The following FAM193A variants were observed in gnomAD, a reference collection of about 807,000 sequenced individuals.
FAM193A encodes protein FAM193A.
A neutral mutation model predicts 126.5 loss-of-function variants in FAM193A; 22 were observed. The ratio of observed to expected loss-of-function variants is 0.17; its 90% CI spans 0.12 to 0.25. FAM193A has a LOEUF of 0.25. Among genes scored for constraint, FAM193A ranks in the 10% least tolerant of loss-of-function variants. The probability of loss-of-function intolerance (pLI) is 1.00; values close to 1 mark genes in which losing one functional copy is unlikely to be tolerated. For missense variants in FAM193A, 1,675 were observed against 1,672.8 expected (o/e 1.00, Z -0.02); for synonymous variants, 761 against 646.8 (o/e 1.18, Z -2.68).
chr4:2,712,348 G>T lies in FAM193A; in HGVS notation c.4373-3675G>T, dbSNP rs539097824. Among the ~76,000 whole-genome samples the T allele has an allele frequency of 2.0e-5, 3 of 152,212 alleles. No individual in the cohort carries two copies. In the East Asian group the frequency reaches 5.8e-4, roughly 29 times the overall value. On this transcript the variant is annotated intron_variant, in intron 19 of 20. Coordinates refer to ENST00000637812, the MANE Select transcript of FAM193A (RefSeq NM_001366318.2). Reference sequence around the variant, plus strand: ...TGGCTTATTATTAATATGTTTCTGTGTTTTCTTGCATCTCCTGTTTCCGTG... The same window carrying T: ...TGGCTTATTATTAATATGTTTCTGTTTTTTCTTGCATCTCCTGTTTCCGTG...
intron 1 of FAM193A, among the ~76,000 whole-genome samples, chr4:2,585,281 TCA>T (rs951017070): frequency 6.6e-5 from 10 of 152,234 alleles, no homozygotes; most frequent in Admixed American, 6.5e-5. Flanking sequence ...ACATGTATTT[TCA>T]CAGTCTTCAT....
chr4:2,631,072 G>A lies in FAM193A; in HGVS notation c.941G>A (p.Gly314Asp), dbSNP rs774164919. Residue 314 changes from glycine to aspartate, a missense_variant, in exon 5 of 21, where the codon GGC becomes GAC. Around this residue, in one of 4 missense-constraint regions of FAM193A, gnomAD observed 1,186 missense variants for 1,109.2 expected, o/e 1.07. Coordinates refer to ENST00000637812, the MANE Select transcript of FAM193A (RefSeq NM_001366318.2). The stretch of plus-strand genomic sequence containing the variant: ...GTGAAGGCACCATCTGGCCTGCAGG[G>A]CCCGCCGCAAGCGCACCAGTTCATC... ...AKVKAPSGLQ[G>D]PPQAHQFISL... The A allele has an allele frequency of 1.2e-5, 20 of 1,613,384 alleles. No homozygotes were observed. In the Middle Eastern group the frequency reaches 2.8e-3, roughly 227 times the overall value.
intron 1 of FAM193A, among the ~76,000 whole-genome samples, chr4:2,569,684 T>A (rs1262956938): frequency 6.6e-6 from 1 of 151,922 alleles, no homozygotes; most frequent in Non-Finnish European, 1.5e-5. Flanking sequence ...CTTTAAAAAA[T>A]TTTTAAAAGC....
At chr4:2,594,617 C>G (rs965508452) in intron 1 of FAM193A, among the ~76,000 whole-genome samples, 2 of 152,084 alleles carry the variant, frequency 1.3e-5, no homozygotes, top group Admixed American at 1.3e-4. Flanking sequence ...GGGAGTGCCT[C>G]CCTCCAGCCT....
chr4:2,660,699 G>A (rs1046900044), intron 10 of FAM193A, among the ~76,000 whole-genome samples: 1 of 152,370 alleles, frequency 6.6e-6, no homozygotes, highest in Non-Finnish European at 1.5e-5. Context: ...GAAGTGTGCA[G>A]TGGGAGAGAT....
chr4:2,644,650 C>T (rs1577125893), intron 6 of FAM193A, among the ~76,000 whole-genome samples: 1 of 151,952 alleles, frequency 6.6e-6, no homozygotes, highest in African/African-American at 2.4e-5. Flanking sequence ...CCAGTTACAC[C>T]TAACCTCTGC....
At chr4:2,552,738 C>T (rs565464207) in intron 1 of FAM193A, among the ~76,000 whole-genome samples, 21 of 151,036 alleles carry the variant, frequency 1.4e-4, no homozygotes, top group African/African-American at 3.6e-4. Context: ...GGGGTTTCAC[C>T]GTGTTAGCCA....
intron 20 of FAM193A, among the ~76,000 whole-genome samples, chr4:2,728,105 A>G (rs1720958862): frequency 6.6e-6 from 1 of 151,720 alleles, no homozygotes; most frequent in South Asian, 2.1e-4. Context: ...CTAATTTTGT[A>G]TTTTTAGTAG....
chr4:2,550,931 G>C (rs938896324), intron 1 of FAM193A, among the ~76,000 whole-genome samples: 3 of 151,896 alleles, frequency 2.0e-5, no homozygotes, highest in African/African-American at 7.3e-5. Flanking sequence ...CTCCCAAGTA[G>C]CTGGGACTGC....
intron 10 of FAM193A, among the ~76,000 whole-genome samples, chr4:2,660,671 G>A (rs372482657): frequency 5.9e-5 from 9 of 152,224 alleles, no homozygotes; most frequent in African/African-American, 1.9e-4. Context: ...AGAGCACACA[G>A]GCATCATGTT....
At chr4:2,721,654 G>A (rs759402233) in intron 20 of FAM193A, among the ~76,000 whole-genome samples, 77 of 152,242 alleles carry the variant, frequency 5.1e-4, no homozygotes, top group Non-Finnish European at 8.5e-4. Flanking sequence ...TCCTGCTGGA[G>A]GAAGGTGTGA....
chr4:2,612,149 C>G (rs1429867657), intron 2 of FAM193A, among the ~76,000 whole-genome samples: 2 of 151,388 alleles, frequency 1.3e-5, no homozygotes, highest in African/African-American at 2.4e-5. Context: ...ATTTGTGTTT[C>G]TAAATGATTT....
rs28390171 is a variant in FAM193A, at chr4:2,545,898, C to G, written c.255+8728C>G. On this transcript the variant is annotated intron_variant, in intron 1 of 20. Coordinates refer to ENST00000637812, the MANE Select transcript of FAM193A (RefSeq NM_001366318.2). ...GGTGCGGTGGCTCACGCCTGTTATC[C>G]CAGCACTTTGGGAGGCTGAGGCGGG... Among the ~76,000 whole-genome samples the G allele has an allele frequency of 2.5e-3, 381 of 152,178 alleles. 5 individuals carry two copies. Among genetic ancestry groups the G allele is most frequent in the Admixed American group, 0.017 (263 of 15,280 alleles).
At chr4:2,552,051 G>A (rs1005832721) in intron 1 of FAM193A, among the ~76,000 whole-genome samples, 4 of 134,532 alleles carry the variant, frequency 3.0e-5, no homozygotes, top group Admixed American at 8.7e-5. Context: ...TTGCTCTGTC[G>A]CCCAGCCTGG....
chr4:2,595,729 C>T (rs993586372), intron 1 of FAM193A, among the ~76,000 whole-genome samples: 19 of 152,128 alleles, frequency 1.2e-4, no homozygotes, highest in Non-Finnish European at 1.5e-5. Flanking sequence ...TGTGCAGATG[C>T]CTCTAGAATA....
chr4:2,692,927 G>C (rs1051789986), intron 15 of FAM193A, among the ~76,000 whole-genome samples: 1 of 152,128 alleles, frequency 6.6e-6, no homozygotes, highest in African/African-American at 2.4e-5. Flanking sequence ...AAAAAGCTCG[G>C]TACAGTGGCT....
At chr4:2,700,700 C>A (rs1328285451) in intron 19 of FAM193A, among the ~76,000 whole-genome samples, 156 bp downstream of exon 19, 1 of 152,158 alleles carries the variant, frequency 6.6e-6, no homozygotes, top group Non-Finnish European at 1.5e-5. Flanking sequence ...GTGGCTCACA[C>A]CTGTAATCCC....
chr4:2,624,139 T>C (rs1742733450), intron 2 of FAM193A, among the ~76,000 whole-genome samples: 1 of 151,898 alleles, frequency 6.6e-6, no homozygotes, highest in Non-Finnish European at 1.5e-5. Flanking sequence ...TGAAATCCTT[T>C]TGGCGTGGGA....
intron 13 of FAM193A, among the ~76,000 whole-genome samples, chr4:2,674,683 A>G (rs1290032078): frequency 3.9e-5 from 6 of 152,144 alleles, no homozygotes; most frequent in African/African-American, 1.4e-4. Context: ...GTACCTAAAA[A>G]GTTTAGCATG....
Sources: allele counts gnomAD v4.1 joint callset (sites outside exome capture counted in the v4.1 genomes callset), GRCh38; gene constraint gnomAD v4.1.1; regional missense constraint gnomAD v4.1.1; transcripts MANE v1.5; gene names NCBI Gene and HGNC (gene_info 2026-07-23, HGNC 2026-07-21).